Variants in SKIL observed in about 807,000 individuals in gnomAD.
The protein encoded by SKIL is SKI like proto-oncogene.
In SKIL, 20 loss-of-function variants were observed where a neutral mutation model predicts 69.6. The ratio of observed to expected loss-of-function variants is 0.29; its 90% CI spans 0.20 to 0.42. SKIL has a LOEUF of 0.42. Among genes scored for constraint, SKIL ranks in the 10% least tolerant of loss-of-function variants. The pLI, the probability that SKIL is intolerant of heterozygous loss-of-function variation, is 1.00. For synonymous variants in SKIL, 310 were observed against 279.9 expected (o/e 1.11, Z -1.08); for missense variants, 745 against 783.1 (o/e 0.95, Z 0.58).
chr3:170,373,584 G>C (rs887666800), intron 2 of SKIL, among the ~76,000 whole-genome samples: 14 of 152,162 alleles, frequency 9.2e-5, no homozygotes, highest in Admixed American at 7.2e-4. Context: ...GTTCATTAAT[G>C]TTTGTCATTA....
intron 4 of SKIL, among the ~76,000 whole-genome samples, chr3:170,385,312 G>A (rs542733149): frequency 5.5e-5 from 8 of 146,564 alleles, no homozygotes; most frequent in East Asian, 2.0e-4. Context: ...AGCTGGTCTC[G>A]AACTCCTGGG....
chr3:170,386,950 C>A (rs1250613185), intron 4 of SKIL, among the ~76,000 whole-genome samples: 2 of 152,208 alleles, frequency 1.3e-5, no homozygotes, highest in Non-Finnish European at 2.9e-5. Context: ...GCCTACAATT[C>A]AGTGGTTTTT....
chr3:170,364,393 A>G (rs6773095), intron 2 of SKIL, among the ~76,000 whole-genome samples: 129,456 of 146,982 alleles, frequency 0.88, 56,913 homozygotes, highest in East Asian at 0.94. Flanking sequence ...GCGCGATCTC[A>G]GTTCACTGCA....
At chr3:170,376,560 G>A (rs1163485778) in intron 2 of SKIL, among the ~76,000 whole-genome samples, 1 of 152,116 alleles carries the variant, frequency 6.6e-6, no homozygotes, top group Non-Finnish European at 1.5e-5. Flanking sequence ...ATTTAGCTAT[G>A]TCACGTTGAC....
At position 170,360,233 on chromosome 3, in the gene SKIL, G is replaced by C. The variant is rs1158960629; in HGVS notation, c.-99G>C. The C allele has an allele frequency of 1.0e-5, 12 of 1,171,046 alleles. No homozygotes were observed. Among genetic ancestry groups the C allele is most frequent in the African/African-American group, 1.5e-5 (1 of 65,128 alleles). The allele number at this position is 1,171,046 out of a possible 1,614,324, so 72.5% of individuals were successfully genotyped here. On this transcript the variant is annotated 5_prime_UTR_variant, in exon 2 of 7. Transcript: ENST00000259119. ...CTTTGAAAGTTTGAGAGTAAGTTAC[G>C]ATAGGCATTTGTATCCATTCATTAC...
At chr3:170,384,790 T>C in intron 4 of SKIL, 25 bp downstream of exon 4, 1 of 1,173,272 alleles carries the variant, frequency 8.5e-7, no homozygotes, top group Non-Finnish European at 1.2e-6. Context: ...ATTATCTTTC[T>C]AAAATTAAAT....
chr3:170,366,696 G>GACACACACACACACACACACACACAC (rs376902100), intron 2 of SKIL, among the ~76,000 whole-genome samples: 1 of 147,580 alleles, frequency 6.8e-6, no homozygotes, highest in South Asian at 2.1e-4. Context: ...CACACACACA[G>GACACACACACACACACACACACACAC]ACACACACAC....
chr3:170,382,202 T>C lies in SKIL; in HGVS notation c.1196+861T>C, dbSNP rs558181569. 2.6e-5 allele frequency among the ~76,000 whole-genome samples: 4 copies of C among 152,326 alleles called. No individual in the cohort carries two copies. In the South Asian group the frequency reaches 6.2e-4, roughly 24 times the overall value. ...TAGGTGAATTGTATTGTTACTCTTA[T>C]TAGAAAAAATTTCAAAGAAAGAATC... On this transcript the variant is annotated intron_variant, in intron 3 of 6. Coordinates refer to ENST00000259119, the MANE Select transcript of SKIL (RefSeq NM_005414.5).
intron 2 of SKIL, among the ~76,000 whole-genome samples, chr3:170,362,387 C>T (rs1052432504): frequency 6.6e-6 from 1 of 151,820 alleles, no homozygotes; most frequent in Non-Finnish European, 1.5e-5. Context: ...CTTGTAATCC[C>T]AGCTACTCAG....
At chr3:170,366,621 C>G (rs562496760) in intron 2 of SKIL, among the ~76,000 whole-genome samples, 3 of 151,922 alleles carry the variant, frequency 2.0e-5, no homozygotes, top group Admixed American at 2.0e-4. Context: ...TTCAGTGAGC[C>G]GAGTTCACAC....
At position 170,384,665 on chromosome 3, in the gene SKIL, T is replaced by C; in HGVS notation, c.1329T>C (p.Ser443=). Residue 443 remains serine (S), a synonymous_variant, in exon 4 of 7, where the codon AGT becomes AGC. Transcript: ENST00000259119. ...CAAGACAGTCAGAGAAGGCTCACAG[T>C]AGTGGTAAACTTCAAAAAACAGTGT... ...SISRQSEKAH[S]SGKLQKTVSY... The C allele has an allele frequency of 6.2e-7, 1 of 1,612,386 alleles. No individual in the cohort carries two copies. The highest frequency in any genetic ancestry group is 1.7e-4 in the Middle Eastern group (1 of 6,060).
intron 2 of SKIL, among the ~76,000 whole-genome samples, chr3:170,364,197 C>T (rs533620077): frequency 6.6e-6 from 1 of 152,248 alleles, no homozygotes; most frequent in African/African-American, 2.4e-5. Context: ...AGGCAATGCG[C>T]CTGTCTCTGC....
At chr3:170,370,590 C>G (rs1404336615) in intron 2 of SKIL, among the ~76,000 whole-genome samples, 4 of 151,548 alleles carry the variant, frequency 2.6e-5, no homozygotes, top group Admixed American at 1.3e-4. Flanking sequence ...CAGTGATTCT[C>G]GAAGAGGGAA....
intron 2 of SKIL, among the ~76,000 whole-genome samples, chr3:170,367,669 A>G (rs1446331721): frequency 4.6e-5 from 7 of 151,076 alleles, no homozygotes; most frequent in South Asian, 2.1e-4. Context: ...GGGTTTCACT[A>G]TGTTGGCCAG....
At chr3:170,370,855 G>A (rs929831745) in intron 2 of SKIL, among the ~76,000 whole-genome samples, 2 of 152,236 alleles carry the variant, frequency 1.3e-5, no homozygotes, top group African/African-American at 4.8e-5. Flanking sequence ...TGAGATGGGA[G>A]TATCGCTTGA....
intron 2 of SKIL, among the ~76,000 whole-genome samples, chr3:170,371,215 A>C (rs1353858203): frequency 6.6e-6 from 1 of 152,196 alleles, no homozygotes; most frequent in East Asian, 1.9e-4. Context: ...ATAAAGGAGT[A>C]GTAGGCCTGG....
chr3:170,360,305 CTTAA>C lies in SKIL; in HGVS notation c.-23_-20del, dbSNP rs1736158350. On this transcript the variant is annotated 5_prime_UTR_variant, in exon 2 of 7. It removes the in-frame stop codon of an upstream open reading frame in the 5' UTR. Coordinates refer to ENST00000259119, the MANE Select transcript of SKIL (RefSeq NM_005414.5). ...ACTAAATAGAAATGCTAATCTCAGACTTAATTATTTAACAGAAGAGTGTACCATG... is the reference window on the plus strand; with the variant it reads ...ACTAAATAGAAATGCTAATCTCAGACTTATTTAACAGAAGAGTGTACCATG... The C allele has an allele frequency of 6.6e-7, 1 of 1,515,876 alleles. No individual in the cohort carries two copies. The highest frequency in any genetic ancestry group is 1.4e-5 in the South Asian group (1 of 73,424). 93.9% of individuals were successfully genotyped at this position (1,515,876 alleles called of 1,614,324 possible).
rs1738007188 is a variant in SKIL, at chr3:170,393,088, C to T, written c.*671C>T. ...GAAGCAGCAGTTGTAATTTGTTTTT[C>T]AGTTTAAATGTGGTTATAGTTAGAT... is the stretch of plus-strand genomic sequence containing the variant. On this transcript the variant is annotated 3_prime_UTR_variant, in exon 7 of 7. Coordinates refer to ENST00000259119, the MANE Select transcript of SKIL (RefSeq NM_005414.5). 6.6e-6 allele frequency: 1 copy of T among 152,048 alleles called. No homozygotes were observed. Among genetic ancestry groups the T allele is most frequent in the African/African-American group, 2.4e-5 (1 of 41,424 alleles). The allele number at this position is 152,048 out of a possible 1,614,324, so 9.4% of individuals were successfully genotyped here. A position where few individuals can be genotyped will look rare whatever the true frequency, so the allele number is the denominator to read the frequency against.
chr3:170,380,860 A>G (rs1009822329), intron 2 of SKIL, among the ~76,000 whole-genome samples: 1 of 152,072 alleles, frequency 6.6e-6, no homozygotes, highest in Non-Finnish European at 1.5e-5. Context: ...ACTCTTGCCC[A>G]GGATAGAGTG....
Sources: allele counts gnomAD v4.1 joint callset (sites outside exome capture counted in the v4.1 genomes callset), GRCh38; gene constraint gnomAD v4.1.1; transcripts MANE v1.5; gene names NCBI Gene and HGNC (gene_info 2026-07-23, HGNC 2026-07-21).